The following GPR35 variants were observed in gnomAD, a reference collection of about 807,000 sequenced individuals.
The protein encoded by GPR35 is KYNA receptor.
For missense variants in GPR35, 372 were observed against 422.5 expected (o/e 0.88, Z 1.05); for synonymous variants, 207 against 198.4 (o/e 1.04, Z -0.36).
chr2:240,622,357 C>T (rs11676358), upstream of GPR35, among the ~76,000 whole-genome samples: 20,711 of 152,150 alleles, frequency 0.14, 1,902 homozygotes, highest in East Asian at 0.32. Context: ...TGGAGCTGAA[C>T]GTAAACGGCT....
upstream of GPR35, among the ~76,000 whole-genome samples, chr2:240,623,225 G>T (rs2043319186): frequency 6.6e-6 from 1 of 152,222 alleles, no homozygotes; most frequent in Non-Finnish European, 1.5e-5. Flanking sequence ...ACAAGCACAA[G>T]CCCAGTGCGC....
intron 2 of GPR35, among the ~76,000 whole-genome samples, chr2:240,612,781 A>T (rs2043196383): frequency 6.6e-6 from 1 of 152,160 alleles, no homozygotes. Flanking sequence ...TCTCCAGAGG[A>T]AGAAGGGGAA....
chr2:240,607,915 A>G (rs2043150322), intron 2 of GPR35, among the ~76,000 whole-genome samples: 1 of 150,956 alleles, frequency 6.6e-6, no homozygotes, highest in African/African-American at 2.4e-5. Flanking sequence ...AAATTGAGAC[A>G]GGGGCTCACT....
chr2:240,622,408 C>T (rs2125482741), upstream of GPR35, among the ~76,000 whole-genome samples: 1 of 152,350 alleles, frequency 6.6e-6, no homozygotes, highest in South Asian at 2.1e-4. Flanking sequence ...CTGACATCGC[C>T]TCACAGACTT....
upstream of GPR35, among the ~76,000 whole-genome samples, chr2:240,623,570 A>T (rs1045867660): frequency 7.9e-5 from 12 of 151,672 alleles, no homozygotes; most frequent in Admixed American, 4.6e-4. Flanking sequence ...GCTAGGAGAG[A>T]AACAGCGCTC....
At chr2:240,608,100 C>T (rs946426962) in intron 2 of GPR35, among the ~76,000 whole-genome samples, 1 of 152,130 alleles carries the variant, frequency 6.6e-6, no homozygotes, top group Non-Finnish European at 1.5e-5. Context: ...CTATGTTGCT[C>T]GGGCTGGTCT....
chr2:240,617,070 A>C (rs1227634710), intron 3 of GPR35: 2 of 717,448 alleles, frequency 2.8e-6, no homozygotes, highest in Non-Finnish European at 5.2e-6. Flanking sequence ...CTCATGAAAG[A>C]CCTGAAACTC....
Position 240,631,781 on chromosome 2 carries a change from G to A in GPR35, c.*899G>A, listed in dbSNP as rs2125491304. On this transcript the variant is annotated 3_prime_UTR_variant, in exon 2 of 2. Coordinates refer to ENST00000407714, the MANE Select transcript of GPR35 (RefSeq NM_005301.5). ...CTCGAAACCCAAGCTGGAAGGACAGGGCACTCCAGAGACCTCCTGTGAGTG... is the reference window on the plus strand; with the variant it reads ...CTCGAAACCCAAGCTGGAAGGACAGAGCACTCCAGAGACCTCCTGTGAGTG... 1.3e-5 allele frequency among the ~76,000 whole-genome samples: 2 copies of A among 152,212 alleles called. No individual in the cohort carries two copies. Among genetic ancestry groups the A allele is most frequent in the East Asian group, 3.9e-4 (2 of 5,190 alleles).
At position 240,632,214 on chromosome 2, in the gene GPR35, G is replaced by T. The variant is rs973088591; in HGVS notation, c.*1332G>T. ...TTGGGGGGGGTCTATGTCCAGGAGG[G>T]TCCCATGCCTGGAAGGGTCCATGCT... On this transcript the variant is annotated 3_prime_UTR_variant, in exon 2 of 2. Transcript: ENST00000407714. 4.6e-5 allele frequency among the ~76,000 whole-genome samples: 7 copies of T among 151,798 alleles called. No homozygotes were observed. The highest frequency in any genetic ancestry group is 1.5e-4 in the African/African-American group (6 of 41,308).
At chr2:240,625,359 CA>C (rs1034215942), upstream of GPR35, 1 of 985,384 alleles carries the variant, frequency 1.0e-6, no homozygotes, top group African/African-American at 1.7e-5. Flanking sequence ...GGGGCTGGTG[CA>C]GGAGCAGTGG....
At chr2:240,612,426 C>CAA (rs5839796) in intron 2 of GPR35, among the ~76,000 whole-genome samples, 1 of 76,716 alleles carries the variant, frequency 1.3e-5, no homozygotes, top group African/African-American at 5.3e-5. Flanking sequence ...GACTCTGTCT[C>CAA]AAAAAAAAAA....
chr2:240,630,131 C>G lies in GPR35; in HGVS notation c.179C>G (p.Thr60Ser). 1.2e-6 allele frequency: 2 copies of G among 1,604,624 alleles called. No homozygotes were observed. Among genetic ancestry groups the G allele is most frequent in the Non-Finnish European group, 1.7e-6 (2 of 1,179,072 alleles). ...QQWTETRIYM[T>S]NLAVADLCLL... ...TGGACGGAGACCCGCATCTACATGACCAACCTGGCGGTGGCCGACCTCTGC... is the reference window on the plus strand; with the variant it reads ...TGGACGGAGACCCGCATCTACATGAGCAACCTGGCGGTGGCCGACCTCTGC... Residue 60 changes from threonine (T) to serine (S), a missense_variant, in exon 2 of 2, where the codon ACC becomes AGC. By Grantham distance (58) the Thr-to-Ser change is moderately conservative (BLOSUM62 1). Transcript: ENST00000407714.
intron 1 of GPR35, among the ~76,000 whole-genome samples, chr2:240,626,180 T>G (rs28404337): frequency 7.7e-4 from 1 of 1,300 alleles, no homozygotes. Context: ...GAGGCTGTGA[T>G]GGGGTCTCAG....
Position 240,608,846 on chromosome 2 carries a change from A to G in GPR35, c.-577+2234A>G, listed in dbSNP as rs114196471. Reference sequence around the variant, plus strand: ...GTGTTTGATGGAATTCATCAGTAACACCATCTGGGTGAGGTATTTTCTTTG... The same window carrying G: ...GTGTTTGATGGAATTCATCAGTAACGCCATCTGGGTGAGGTATTTTCTTTG... On this transcript the variant is annotated intron_variant, in intron 2 of 5. Coordinates refer to the GPR35 transcript ENST00000319838. Among the ~76,000 whole-genome samples the G allele has an allele frequency of 3.0e-3, 452 of 152,316 alleles. 2 individuals carry two copies. Among genetic ancestry groups the G allele is most frequent in the African/African-American group, 0.01 (417 of 41,574 alleles).
chr2:240,616,736 T>C (rs1005560937), intron 3 of GPR35, among the ~76,000 whole-genome samples: 1 of 49,916 alleles, frequency 2.0e-5, no homozygotes, highest in Non-Finnish European at 3.6e-5. Flanking sequence ...TAACAAACAA[T>C]ACAGTAAAAA....
At chr2:240,611,116 GTTTT>G (rs1242675858) in intron 2 of GPR35, among the ~76,000 whole-genome samples, 1 of 151,258 alleles carries the variant, frequency 6.6e-6, no homozygotes, top group Non-Finnish European at 1.5e-5. Context: ...TTGTTTGTTT[GTTTT>G]TGTTTTTGTT....
intron 2 of GPR35, among the ~76,000 whole-genome samples, chr2:240,609,277 T>C (rs2043162277): frequency 6.6e-6 from 1 of 152,208 alleles, no homozygotes; most frequent in Non-Finnish European, 1.5e-5. Context: ...GTTGTTGTTT[T>C]CTAGATTCTC....
At chr2:240,612,353 G>A (rs1361333079) in intron 2 of GPR35, among the ~76,000 whole-genome samples, 1 of 150,700 alleles carries the variant, frequency 6.6e-6, no homozygotes, top group Non-Finnish European at 1.5e-5. Context: ...CGTGAACCCG[G>A]GAGGCGGAGC....
upstream of GPR35, among the ~76,000 whole-genome samples, chr2:240,623,844 T>C (rs1314914821): frequency 6.6e-6 from 1 of 152,206 alleles, no homozygotes; most frequent in Admixed American, 6.5e-5. Context: ...GCTGGGACCA[T>C]GTGGCCCTGC....
Sources: allele counts gnomAD v4.1 joint callset (sites outside exome capture counted in the v4.1 genomes callset), GRCh38; gene constraint gnomAD v4.1.1; transcripts MANE v1.5; gene names NCBI Gene and HGNC (gene_info 2026-07-23, HGNC 2026-07-21).